The following ZMYM4 variants were observed in gnomAD, a reference collection of about 807,000 sequenced individuals.
ZMYM4 encodes zinc finger MYM-type protein 4.
A neutral mutation model predicts 183.2 loss-of-function variants in ZMYM4; 31 were observed. The ratio of observed to expected loss-of-function variants is 0.17; its 90% CI spans 0.13 to 0.23. The LOEUF is 0.23. ZMYM4 is among the 10% of genes least tolerant of loss of function. The probability of loss-of-function intolerance (pLI) is 1.00; values close to 1 mark genes in which losing one functional copy is unlikely to be tolerated. For missense variants in ZMYM4, 1,273 were observed against 1,840.3 expected, an observed-to-expected ratio of 0.69 and a Z score of 5.64; for synonymous variants, 592 against 631.2, an observed-to-expected ratio of 0.94 and a Z score of 0.93.
rs755709612 is a variant in ZMYM4 at position 35,399,539 on chromosome 1, G to A, written c.3491G>A (p.Arg1164Gln). The A allele has an allele frequency of 2.5e-5, 41 of 1,614,032 alleles. No homozygotes were observed. Among genetic ancestry groups the A allele is most frequent in the Non-Finnish European group, 2.7e-5 (32 of 1,179,998 alleles). The part of the protein sequence containing the change: ...QGIQARSRTR[R>Q]RHRDGFPQPR... Reference sequence around the variant, plus strand: ...ATCCAGGCACGTTCCCGAACAAGACGACGACACAGAGATGGCTTCCCCCAA... The same window carrying A: ...ATCCAGGCACGTTCCCGAACAAGACAACGACACAGAGATGGCTTCCCCCAA... Residue 1164 changes from arginine (R) to glutamine (Q), a missense_variant, in exon 23 of 30, where the codon CGA becomes CAA. Arg to Gln is a conservative substitution (Grantham distance 43). Around this residue, in one of 6 missense-constraint regions of ZMYM4, gnomAD observed 133 missense variants for 155.7 expected, o/e 0.85. Coordinates refer to ENST00000314607, the MANE Select transcript of ZMYM4 (RefSeq NM_005095.3).
chr1:35,418,326 G>C, intron 28 of ZMYM4, 117 bp from the exon 29 acceptor site: 1 of 1,082,034 alleles, frequency 9.2e-7, no homozygotes, highest in Non-Finnish European at 1.3e-6. Flanking sequence ...GAGTGTGAGT[G>C]AGTGAAAGGG....
At chr1:35,408,480 G>A (rs764021647) in intron 26 of ZMYM4, among the ~76,000 whole-genome samples, 2 of 152,128 alleles carry the variant, frequency 1.3e-5, no homozygotes, top group Non-Finnish European at 2.9e-5. Context: ...GCTCACACCT[G>A]TATTCCTAGC....
intron 1 of ZMYM4, among the ~76,000 whole-genome samples, chr1:35,312,821 A>G (rs1209001504): frequency 6.6e-6 from 1 of 151,714 alleles, no homozygotes; most frequent in Non-Finnish European, 1.5e-5. Flanking sequence ...CCCAGGTTCA[A>G]GTGATTCTTG....
At chr1:35,289,476 A>AGGAAAACTGG (rs1384965717) in intron 1 of ZMYM4, among the ~76,000 whole-genome samples, 5 of 152,172 alleles carry the variant, frequency 3.3e-5, no homozygotes, top group Admixed American at 3.3e-4. Flanking sequence ...TAATTGAGAT[A>AGGAAAACTGG]GGAAAACTGG....
chr1:35,405,222 G>A, intron 24 of ZMYM4, 28 bp downstream of exon 24: 1 of 1,608,134 alleles, frequency 6.2e-7, no homozygotes, highest in Non-Finnish European at 8.5e-7. Flanking sequence ...ATTGTATCTT[G>A]ATTTAGGTAG....
chr1:35,398,565 A>C (rs1359091055), intron 21 of ZMYM4, 99 bp downstream of exon 21: 1 of 1,136,758 alleles, frequency 8.8e-7, no homozygotes, highest in Non-Finnish European at 1.3e-6. Flanking sequence ...TGTAATTTTA[A>C]CTATTTGTAA....
chr1:35,277,758 AT>A (rs991832835), intron 1 of ZMYM4, among the ~76,000 whole-genome samples: 1 of 151,900 alleles, frequency 6.6e-6, no homozygotes, highest in African/African-American at 2.4e-5. Flanking sequence ...ATAAATGCTT[AT>A]TTTTTTCCCC....
At chr1:35,365,103 C>A (rs749623773) in intron 5 of ZMYM4, among the ~76,000 whole-genome samples, 3 of 152,112 alleles carry the variant, frequency 2.0e-5, no homozygotes, top group East Asian at 3.9e-4. Flanking sequence ...TTGCTTAATT[C>A]GCCTAACAAC....
intron 1 of ZMYM4, chr1:35,292,375 C>T (rs891857153): frequency 2.6e-5 from 4 of 152,160 alleles, no homozygotes; most frequent in African/African-American, 9.7e-5. Flanking sequence ...TGATGTCTAC[C>T]ATTGTGCAGA....
At chr1:35,324,704 C>T (rs1279338443) in intron 1 of ZMYM4, among the ~76,000 whole-genome samples, 1 of 152,182 alleles carries the variant, frequency 6.6e-6, no homozygotes, top group Non-Finnish European at 1.5e-5. Context: ...TCTTGCCTCA[C>T]TGATGAGTAA....
intron 1 of ZMYM4, among the ~76,000 whole-genome samples, chr1:35,311,921 ACT>A (rs903445891): frequency 6.6e-6 from 1 of 151,616 alleles, no homozygotes; most frequent in African/African-American, 2.4e-5. Context: ...ACGAGGTCTC[ACT>A]CTGTCACCCA....
At chr1:35,398,305 T>C in intron 20 of ZMYM4, 108 bp from the exon 21 acceptor site, 1 of 904,326 alleles carries the variant, frequency 1.1e-6, no homozygotes. Flanking sequence ...TGAAATCTAT[T>C]TACTTAGAAC....
rs1284563541 is a variant in ZMYM4, at chr1:35,420,608, A to G, written c.*931A>G. The G allele has an allele frequency of 3.3e-5, 5 of 151,810 alleles. No individual in the cohort carries two copies. The East Asian group carries it at 5.8e-4, about 18-fold the overall frequency. The allele number at this position is 151,810 out of a possible 1,614,324, so 9.4% of individuals were successfully genotyped here. On this transcript the variant is annotated 3_prime_UTR_variant, in exon 30 of 30. Coordinates refer to ENST00000314607, the MANE Select transcript of ZMYM4 (RefSeq NM_005095.3). ...TTTTCTCCCGTTGTTTTACCTTCCT[A>G]TTTCCCAAACAGTTCCTCTTATTTT... is the stretch of plus-strand genomic sequence containing the variant.
Position 35,352,269 on chromosome 1 carries a change from G to GCGCGCGCA in ZMYM4, c.86-6655_86-6654insGCGCGCAC, listed in dbSNP as rs1366886543. ...TAAAAATTAGCGCGCACGCGCGCGC[G>GCGCGCGCA]CACACACACACACACACACACACAC... On this transcript the variant is annotated intron_variant, in intron 2 of 29. Transcript: ENST00000314607. Among the ~76,000 whole-genome samples, 461 of 124,578 alleles carry GCGCGCGCA rather than the reference G, an allele frequency of 3.7e-3. 7 individuals carry two copies. Among genetic ancestry groups the GCGCGCGCA allele is most frequent in the African/African-American group, 0.014 (429 of 30,106 alleles). The allele number at this position is 124,578 out of a possible 152,430, so 81.7% of individuals were successfully genotyped here.
intron 1 of ZMYM4, among the ~76,000 whole-genome samples, chr1:35,280,814 A>G (rs1014267931): frequency 6.6e-6 from 1 of 152,150 alleles, no homozygotes; most frequent in African/African-American, 2.4e-5. Context: ...ACTCTAATTC[A>G]GGATGATCTC....
At position 35,367,220 on chromosome 1, in the gene ZMYM4, ATT is replaced by A. The variant is rs200690605; in HGVS notation, c.841-2796_841-2795del. ...TGGTTGAACATCATACAATTAATTAATTTTTTTTTTTTTTAAAAGACAGAGTT... is the reference window on the plus strand; with the variant it reads ...TGGTTGAACATCATACAATTAATTAATTTTTTTTTTTTAAAAGACAGAGTT... On this transcript the variant is annotated intron_variant, in intron 5 of 29. Coordinates refer to ENST00000314607, the MANE Select transcript of ZMYM4 (RefSeq NM_005095.3). 7.1e-3 allele frequency among the ~76,000 whole-genome samples: 1,032 copies of A among 145,658 alleles called. 13 individuals are homozygous for A. The highest frequency in any genetic ancestry group is 0.021 in the Middle Eastern group (6 of 284).
intron 1 of ZMYM4, among the ~76,000 whole-genome samples, chr1:35,305,666 C>T (rs954843253): frequency 1.2e-4 from 18 of 152,054 alleles, no homozygotes; most frequent in African/African-American, 4.4e-4. Flanking sequence ...ATCTCAGCCT[C>T]CCAAGTAGCT....
intron 1 of ZMYM4, among the ~76,000 whole-genome samples, chr1:35,297,492 AT>A (rs1420612950): frequency 5.3e-5 from 8 of 151,652 alleles, no homozygotes; most frequent in Non-Finnish European, 7.4e-5. Context: ...AAAAAAAAAA[AT>A]GTATATATAT....
intron 2 of ZMYM4, among the ~76,000 whole-genome samples, chr1:35,349,614 G>A (rs1398724729): frequency 6.6e-6 from 1 of 151,854 alleles, no homozygotes. Context: ...GGTCACTTAA[G>A]GTCAGGAGTT....
Sources: allele counts gnomAD v4.1 joint callset (sites outside exome capture counted in the v4.1 genomes callset), GRCh38; gene constraint gnomAD v4.1.1; regional missense constraint gnomAD v4.1.1; transcripts MANE v1.5; gene names NCBI Gene and HGNC (gene_info 2026-07-23, HGNC 2026-07-21).